The following FGD4 variants were observed in gnomAD, a reference collection of about 807,000 sequenced individuals.
FGD4 encodes the protein FYVE, RhoGEF and PH domain-containing protein 4.
FGD4 carries 42 observed loss-of-function variants against 102.0 expected under a neutral mutation model. That is an observed-to-expected ratio of 0.41 (90% confidence interval 0.32 to 0.53). The LOEUF (loss-of-function observed/expected upper bound fraction) is 0.53, where lower values mean the gene tolerates loss of function less well. Among genes scored for constraint, FGD4 ranks in the 20% least tolerant of loss-of-function variants. The probability of loss-of-function intolerance (pLI) is 0.21; values close to 1 mark genes in which losing one functional copy is unlikely to be tolerated. For synonymous variants in FGD4, 380 were observed against 375.7 expected, an observed-to-expected ratio of 1.01 and a Z score of -0.13; for missense variants, 902 against 1,078.2, an observed-to-expected ratio of 0.84 and a Z score of 2.29.
At chr12:32,434,113 C>T (rs1199138559) in intron 1 of FGD4, among the ~76,000 whole-genome samples, 1 of 152,158 alleles carries the variant, frequency 6.6e-6, no homozygotes, top group East Asian at 1.9e-4. Context: ...CTCAGCCTCC[C>T]AAAGTGCTGG....
chr12:32,406,452 G>A (rs1591839206), intron 1 of FGD4, among the ~76,000 whole-genome samples: 1 of 151,778 alleles, frequency 6.6e-6, no homozygotes, highest in African/African-American at 2.4e-5. Context: ...TACTTGGAAG[G>A]CTGAGGCAGG....
At chr12:32,453,380 T>C (rs1455441583) in intron 1 of FGD4, among the ~76,000 whole-genome samples, 1 of 151,460 alleles carries the variant, frequency 6.6e-6, no homozygotes, top group Non-Finnish European at 1.5e-5. Flanking sequence ...ATCACAGGTA[T>C]GCGCCATCAT....
chr12:32,595,735 C>A (rs1947840396), intron 4 of FGD4, among the ~76,000 whole-genome samples: 2 of 152,276 alleles, frequency 1.3e-5, no homozygotes, highest in African/African-American at 4.8e-5. Flanking sequence ...CCAACAATGC[C>A]AGTACTTTAT....
rs544490644 is a variant in FGD4, at chr12:32,575,498, G to A, written c.320-768G>A. Among the ~76,000 whole-genome samples the A allele has an allele frequency of 1.4e-4, 21 of 152,254 alleles. No individual in the cohort carries two copies. The South Asian group carries it at 3.7e-3, about 27-fold the overall frequency. On this transcript the variant is annotated intron_variant, in intron 2 of 16. Transcript: ENST00000534526. ...TGGCAAGAATTGTACCAAGCCATAC[G>A]TGAGGGATCTGCACACATGACTCAA...
intron 1 of FGD4, among the ~76,000 whole-genome samples, chr12:32,438,620 T>TTG (rs1346136607): frequency 6.6e-6 from 1 of 151,784 alleles, no homozygotes; most frequent in African/African-American, 2.4e-5. Flanking sequence ...GTGTGTGTTT[T>TTG]TTTTTTTGAG....
chr12:32,474,043 G>A (rs1026863719), intron 1 of FGD4, among the ~76,000 whole-genome samples: 14 of 151,604 alleles, frequency 9.2e-5, no homozygotes, highest in Non-Finnish European at 1.6e-4. Context: ...AGCTGAGAGC[G>A]CGCCACTGCA....
intron 14 of FGD4, among the ~76,000 whole-genome samples, chr12:32,632,292 GC>G (rs1387994502): frequency 2.0e-5 from 3 of 152,178 alleles, no homozygotes; most frequent in Non-Finnish European, 4.4e-5. Flanking sequence ...GGAGCTTACA[GC>G]CCTATAAGGG....
intron 1 of FGD4, among the ~76,000 whole-genome samples, chr12:32,555,665 G>A (rs980889187): frequency 4.9e-5 from 7 of 143,998 alleles, no homozygotes; most frequent in African/African-American, 1.3e-4. Flanking sequence ...TCCGCCTCCC[G>A]GTTTCACGCC....
intron 1 of FGD4, among the ~76,000 whole-genome samples, chr12:32,490,360 TA>T (rs1944044738): frequency 6.6e-6 from 1 of 151,556 alleles, no homozygotes. Flanking sequence ...TGAGATAAAA[TA>T]GAAAATATAT....
At chr12:32,588,361 A>G (rs1434278951) in intron 4 of FGD4, among the ~76,000 whole-genome samples, 1 of 152,190 alleles carries the variant, frequency 6.6e-6, no homozygotes, top group Non-Finnish European at 1.5e-5. Context: ...ACAACAAATG[A>G]CCATTACTCA....
chr12:32,573,156 C>T (rs183800269), intron 2 of FGD4, among the ~76,000 whole-genome samples: 112 of 152,178 alleles, frequency 7.4e-4, no homozygotes, highest in African/African-American at 2.4e-3. Context: ...AGTGCAGTGG[C>T]GCGATCTCGG....
chr12:32,429,264 C>T (rs1941961498), intron 1 of FGD4, among the ~76,000 whole-genome samples: 1 of 152,210 alleles, frequency 6.6e-6, no homozygotes. Context: ...TGTTAGTTTT[C>T]CTTCTAACAG....
At chr12:32,586,070 A>G (rs566137745) in intron 4 of FGD4, among the ~76,000 whole-genome samples, 26 of 152,246 alleles carry the variant, frequency 1.7e-4, no homozygotes, top group Admixed American at 5.9e-4. Flanking sequence ...TGACTGCATA[A>G]TCAGAGGTCA....
intron 14 of FGD4, among the ~76,000 whole-genome samples, chr12:32,629,918 G>A (rs1950399768): frequency 6.6e-6 from 1 of 152,106 alleles, no homozygotes; most frequent in African/African-American, 2.4e-5. Context: ...AGTTCCTGGA[G>A]CCTTGCTTTC....
chr12:32,554,249 C>T (rs1943922422), intron 1 of FGD4, among the ~76,000 whole-genome samples: 1 of 151,902 alleles, frequency 6.6e-6, no homozygotes, highest in African/African-American at 2.4e-5. Flanking sequence ...GTATGTATAG[C>T]TTTTAACTTT....
chr12:32,422,465 A>AT (rs1258564725), intron 1 of FGD4, among the ~76,000 whole-genome samples: 2 of 150,350 alleles, frequency 1.3e-5, no homozygotes, highest in African/African-American at 4.9e-5. Flanking sequence ...TGCCTGGCTA[A>AT]TTTTTTGTAT....
intron 1 of FGD4, among the ~76,000 whole-genome samples, chr12:32,442,960 T>C (rs1029122157): frequency 6.6e-6 from 1 of 152,226 alleles, no homozygotes; most frequent in African/African-American, 2.4e-5. Flanking sequence ...TTTTCATATA[T>C]CTGTTGGCCA....
At chr12:32,522,273 C>T (rs544799115) in intron 1 of FGD4, among the ~76,000 whole-genome samples, 4 of 152,106 alleles carry the variant, frequency 2.6e-5, no homozygotes, top group Admixed American at 6.5e-5. Context: ...GGGGTGGATA[C>T]GTAGAGTGGA....
chr12:32,443,776 TA>T (rs141746554), intron 1 of FGD4, among the ~76,000 whole-genome samples: 5,789 of 143,062 alleles, frequency 0.04, 170 homozygotes, highest in South Asian at 0.12. Context: ...TCTTTCTCTT[TA>T]AAAAAAAAAA....
Sources: allele counts gnomAD v4.1 joint callset (sites outside exome capture counted in the v4.1 genomes callset), GRCh38; gene constraint gnomAD v4.1.1; transcripts MANE v1.5; gene names NCBI Gene and HGNC (gene_info 2026-07-23, HGNC 2026-07-21).